Variants in ROCK1 observed in about 807,000 individuals in gnomAD.
ROCK1 encodes the protein rho-associated protein kinase 1.
A neutral mutation model predicts 196.8 loss-of-function variants in ROCK1; 36 were observed. The ratio of observed to expected loss-of-function variants is 0.18; its 90% CI spans 0.14 to 0.24. The LOEUF (loss-of-function observed/expected upper bound fraction) is 0.24. Among genes scored for constraint, ROCK1 ranks in the 10% least tolerant of loss-of-function variants. The pLI is 1.00. For synonymous variants in ROCK1, 443 were observed against 515.9 expected (o/e 0.86, Z 1.91); for missense variants, 920 against 1,562.0 (o/e 0.59, Z 6.93).
chr18:21,072,812 T>A (rs1392351506), intron 1 of ROCK1, among the ~76,000 whole-genome samples: 1 of 152,112 alleles, frequency 6.6e-6, no homozygotes, highest in African/African-American at 2.4e-5. Context: ...GGTTCACTCC[T>A]GTAATCTCAG....
intron 21 of ROCK1, among the ~76,000 whole-genome samples, chr18:20,981,965 T>C (rs1423178058): frequency 6.6e-6 from 1 of 152,212 alleles, no homozygotes; most frequent in Non-Finnish European, 1.5e-5. Context: ...AACAGCTTAT[T>C]GAATTGAATG....
At chr18:21,052,769 G>A (rs937033612) in intron 2 of ROCK1, among the ~76,000 whole-genome samples, 3 of 151,984 alleles carry the variant, frequency 2.0e-5, no homozygotes, top group Admixed American at 6.6e-5. Flanking sequence ...AGGTGGAATA[G>A]TTTCATAAAA....
At chr18:21,084,487 T>A (rs1305922998) in intron 1 of ROCK1, among the ~76,000 whole-genome samples, 2 of 152,010 alleles carry the variant, frequency 1.3e-5, no homozygotes, top group Admixed American at 6.6e-5. Flanking sequence ...AAATGGCCAA[T>A]AAGCACATGA....
chr18:20,972,370 A>G (rs1351079097), intron 22 of ROCK1, among the ~76,000 whole-genome samples: 1 of 152,126 alleles, frequency 6.6e-6, no homozygotes, highest in Non-Finnish European at 1.5e-5. Context: ...GACACGTTAA[A>G]TGTGGGGTGC....
chr18:21,102,857 C>T (rs1043572056), intron 1 of ROCK1, among the ~76,000 whole-genome samples: 2 of 151,532 alleles, frequency 1.3e-5, no homozygotes, highest in African/African-American at 4.9e-5. Context: ...CAGGGCCAGA[C>T]CCTGTCTCAA....
At chr18:20,951,941 T>C (rs2035191850) in intron 32 of ROCK1, among the ~76,000 whole-genome samples, 1 of 148,870 alleles carries the variant, frequency 6.7e-6, no homozygotes, top group African/African-American at 2.6e-5. Context: ...GGCTTTGGAA[T>C]TGGACAACAT....
rs2035521792 is a variant in ROCK1, at chr18:20,980,541, A to G, written c.2560-537T>C. 3.3e-5 allele frequency among the ~76,000 whole-genome samples: 5 copies of G among 152,306 alleles called. 1 individual carries two copies. The South Asian group carries it at 1.0e-3, about 32-fold the overall frequency. Reference sequence around the variant, plus strand: ...TGAAAAAAAAATGTTCCACATGTTGACTGTGGTGGTGGTCACACAGATGTA... The same window carrying G: ...TGAAAAAAAAATGTTCCACATGTTGGCTGTGGTGGTGGTCACACAGATGTA... On this transcript the variant is annotated intron_variant, in intron 21 of 32. Coordinates refer to ENST00000399799, the MANE Select transcript of ROCK1 (RefSeq NM_005406.3).
chr18:20,970,626 T>A, intron 22 of ROCK1, 113 bp from the exon 23 acceptor site: 1 of 706,976 alleles, frequency 1.4e-6, no homozygotes, highest in Non-Finnish European at 2.2e-6. Flanking sequence ...ATTATTTTAT[T>A]GCTTAAAATA....
At position 21,072,736 on chromosome 18, in the gene ROCK1, T is replaced by C. The variant is rs2036395779; in HGVS notation, c.94-2123A>G. Among the ~76,000 whole-genome samples the C allele has an allele frequency of 4.6e-5, 7 of 152,116 alleles. No individual in the cohort carries two copies. In the South Asian group the frequency reaches 1.5e-3, roughly 32 times the overall value. ...AGGCATGAGCAAAACTACCTTCTAC[T>C]TTCACAACATGTCCATCATATAGCT... On this transcript the variant is annotated intron_variant, in intron 1 of 32. Coordinates refer to ENST00000399799, the MANE Select transcript of ROCK1 (RefSeq NM_005406.3).
At chr18:21,036,919 A>AT (rs201356452) in intron 9 of ROCK1, among the ~76,000 whole-genome samples, 23 of 151,970 alleles carry the variant, frequency 1.5e-4, no homozygotes, top group African/African-American at 4.3e-4. Flanking sequence ...AATAAATGTT[A>AT]TTTTTTTTCC....
intron 21 of ROCK1, among the ~76,000 whole-genome samples, chr18:20,982,390 T>G (rs1400841111): frequency 3.3e-5 from 5 of 152,146 alleles, no homozygotes; most frequent in African/African-American, 1.2e-4. Context: ...TAGCTGCGAC[T>G]ACAGGTGCCT....
intron 4 of ROCK1, among the ~76,000 whole-genome samples, chr18:21,046,792 T>G (rs7234154): frequency 6.6e-6 from 1 of 151,788 alleles, no homozygotes; most frequent in Non-Finnish European, 1.5e-5. Context: ...ATCTTCTTAA[T>G]GTTTCATTTT....
intron 1 of ROCK1, among the ~76,000 whole-genome samples, chr18:21,104,873 T>C (rs2036690555): frequency 6.6e-6 from 1 of 152,194 alleles, no homozygotes; most frequent in African/African-American, 2.4e-5. Flanking sequence ...ATCTTCCCCA[T>C]TTATTGAATC....
At chr18:21,016,153 G>C (rs549984310) in intron 12 of ROCK1, among the ~76,000 whole-genome samples, 2 of 152,268 alleles carry the variant, frequency 1.3e-5, no homozygotes, top group South Asian at 4.1e-4. Context: ...TGTAACAACT[G>C]TAATAAGAAA....
intron 12 of ROCK1, 77 bp downstream of exon 12, chr18:21,020,074 T>A (rs1404140270): frequency 1.3e-6 from 1 of 771,904 alleles, no homozygotes. Flanking sequence ...CTTTCAGATG[T>A]TTACAGGGTA....
chr18:21,006,213 T>C (rs1598525237), intron 16 of ROCK1, 138 bp downstream of exon 16: 2 of 680,330 alleles, frequency 2.9e-6, no homozygotes, highest in Middle Eastern at 4.1e-4. Context: ...AAACACTGTA[T>C]GATTCCACTT....
intron 29 of ROCK1, among the ~76,000 whole-genome samples, chr18:20,955,766 C>A (rs2035235978): frequency 6.8e-6 from 1 of 148,030 alleles, no homozygotes; most frequent in South Asian, 2.2e-4. Context: ...TACTACTCAA[C>A]AAGAAAAAAA....
chr18:21,053,392 G>A (rs1286825666), intron 2 of ROCK1, among the ~76,000 whole-genome samples: 1 of 151,928 alleles, frequency 6.6e-6, no homozygotes, highest in African/African-American at 2.4e-5. Flanking sequence ...TGTCCTATGA[G>A]TCAGGAAGAT....
chr18:20,983,810 T>C (rs779532715), intron 20 of ROCK1, among the ~76,000 whole-genome samples: 8 of 152,110 alleles, frequency 5.3e-5, no homozygotes, highest in Non-Finnish European at 8.8e-5. Context: ...GATGATATGA[T>C]AAAATAAACG....
Sources: allele counts gnomAD v4.1 joint callset (sites outside exome capture counted in the v4.1 genomes callset), GRCh38; gene constraint gnomAD v4.1.1; transcripts MANE v1.5; gene names NCBI Gene and HGNC (gene_info 2026-07-23, HGNC 2026-07-21).